The following TSFM variants were observed in gnomAD, a reference collection of about 807,000 sequenced individuals.
TSFM encodes elongation factor Ts, mitochondrial.
A neutral mutation model predicts 33.4 loss-of-function variants in TSFM; 29 were observed. That is an observed-to-expected ratio of 0.87 (90% CI 0.65 to 1.18). The LOEUF is 1.18. TSFM is among the 50% of genes most tolerant of loss of function. The probability of loss-of-function intolerance (pLI) is 0.00; values close to 1 mark genes in which losing one functional copy is unlikely to be tolerated. For missense variants in TSFM, 394 were observed against 395.6 expected (o/e 1.00, Z 0.04); for synonymous variants, 178 against 163.5 (o/e 1.09, Z -0.68).
intron 5 of TSFM, among the ~76,000 whole-genome samples, chr12:57,794,783 G>C (rs538715809): frequency 6.6e-6 from 1 of 152,168 alleles, no homozygotes; most frequent in East Asian, 1.9e-4. Context: ...TTTTTGAGAC[G>C]GAGTCTTGCT....
downstream of TSFM, chr12:57,802,477 C>T: frequency 8.9e-7 from 1 of 1,118,512 alleles, no homozygotes; most frequent in East Asian, 2.6e-5. Flanking sequence ...CTTTCTCAGC[C>T]TAATTTGTTC....
chr12:57,783,101 C>A lies in TSFM; in HGVS notation c.58-9C>A. The A allele has an allele frequency of 6.2e-7, 1 of 1,602,632 alleles. No homozygotes were observed. Among genetic ancestry groups the A allele is most frequent in the Non-Finnish European group, 8.5e-7 (1 of 1,176,156 alleles). ...TTCCTGCTCCTCATCCCTTTCTTAT[C>A]TCATCTAGGCTGGGTCTCTTCTGCG... On this transcript the variant is annotated splice_polypyrimidine_tract_variant and intron_variant, in intron 1 of 5. Coordinates refer to ENST00000652027, the MANE Select transcript of TSFM (RefSeq NM_005726.6).
intron 4 of TSFM, among the ~76,000 whole-genome samples, chr12:57,789,929 G>A (rs1010502126): frequency 3.9e-5 from 6 of 151,990 alleles, no homozygotes; most frequent in African/African-American, 1.4e-4. Flanking sequence ...TTATCTTTTG[G>A]GTTTATGTCA....
In TSFM at chr12:57,797,240, CAG is replaced by C. The variant is rs1955754572; in HGVS notation, c.*659_*660del. On this transcript the variant is annotated 3_prime_UTR_variant, in exon 6 of 6. Coordinates refer to ENST00000652027, the MANE Select transcript of TSFM (RefSeq NM_005726.6). ...GATTTTGACATTCTTGTGCCAGAAA[CAG>C]AAATTAGAGTAGTCCAGTTACCCAG... 1 of 985,308 alleles carries C rather than the reference CAG, an allele frequency of 1.0e-6. No homozygotes were observed. The highest frequency in any genetic ancestry group is 1.2e-6 in the Non-Finnish European group (1 of 829,948). The allele number at this position is 985,308 out of a possible 1,614,324, so 61.0% of individuals were successfully genotyped here.
At chr12:57,785,180 C>T (rs927828461) in intron 2 of TSFM, among the ~76,000 whole-genome samples, 1 of 152,094 alleles carries the variant, frequency 6.6e-6, no homozygotes, top group African/African-American at 2.4e-5. Context: ...CCCACCTCAG[C>T]CTCCCAAAGT....
At chr12:57,783,468 T>G in intron 2 of TSFM, 185 bp downstream of exon 2, 1 of 759,078 alleles carries the variant, frequency 1.3e-6, no homozygotes, top group Non-Finnish European at 2.3e-6. Flanking sequence ...CAGTTGAGTA[T>G]CCCAGGATTA....
intron 5 of TSFM, among the ~76,000 whole-genome samples, chr12:57,793,516 C>T (rs929922128): frequency 1.3e-5 from 2 of 152,224 alleles, no homozygotes; most frequent in Non-Finnish European, 2.9e-5. Flanking sequence ...GCCACCGCGC[C>T]CGGCCACATT....
intron 5 of TSFM, among the ~76,000 whole-genome samples, chr12:57,794,094 G>A (rs1303907116): frequency 6.6e-6 from 1 of 152,152 alleles, no homozygotes; most frequent in Non-Finnish European, 1.5e-5. Flanking sequence ...GTTTTTATCA[G>A]GTCATCTTGT....
Position 57,797,494 on chromosome 12 carries a change from A to G in TSFM, c.*911A>G. On this transcript the variant is annotated 3_prime_UTR_variant, in exon 6 of 6. Coordinates refer to ENST00000652027, the MANE Select transcript of TSFM (RefSeq NM_005726.6). ...ATGATTTCAATGATTTACAGGCTAAATAGATTTTAGAAATAATCATCTTAA... is the reference window on the plus strand; with the variant it reads ...ATGATTTCAATGATTTACAGGCTAAGTAGATTTTAGAAATAATCATCTTAA... 1 of 978,852 alleles carries G rather than the reference A, an allele frequency of 1.0e-6. No individual in the cohort carries two copies. Among genetic ancestry groups the G allele is most frequent in the Non-Finnish European group, 1.2e-6 (1 of 823,826 alleles). 60.6% of individuals were successfully genotyped at this position (978,852 alleles called of 1,614,324 possible).
intron 2 of TSFM, among the ~76,000 whole-genome samples, chr12:57,784,984 T>C (rs1955571555): frequency 7.5e-6 from 1 of 132,878 alleles, no homozygotes; most frequent in South Asian, 2.7e-4. Context: ...TGGACTGCAG[T>C]GGCACAATCT....
Position 57,782,834 on chromosome 12 carries a change from G to C in TSFM, c.33G>C (p.Leu11=). 1 of 1,596,340 alleles carries C rather than the reference G, an allele frequency of 6.3e-7. No homozygotes were observed. The highest frequency in any genetic ancestry group is 2.3e-5 in the East Asian group (1 of 43,836). Residue 11 remains leucine, a synonymous_variant, in exon 1 of 6, where the codon CTG becomes CTC. Coordinates refer to ENST00000652027, the MANE Select transcript of TSFM (RefSeq NM_005726.6). MSLLRSLRVF[L]VARTGSYPAG... is the part of the protein sequence containing the mutation. ...TGCTGCGGTCGCTGCGCGTGTTTCT[G>C]GTCGCGCGGACCGGGAGCTACCCGG... is the stretch of plus-strand genomic sequence containing the variant.
chr12:57,784,773 G>A (rs1275245053), intron 2 of TSFM, among the ~76,000 whole-genome samples: 4 of 151,830 alleles, frequency 2.6e-5, no homozygotes, highest in Non-Finnish European at 5.9e-5. Flanking sequence ...CCAGCTACTC[G>A]GGAGGCTGAG....
rs1313092651 is a variant in TSFM at position 57,786,248 on chromosome 12, T to G, written c.317T>G (p.Leu106Arg). 1.2e-6 allele frequency: 2 copies of G among 1,612,236 alleles called. No homozygotes were observed. The highest frequency in any genetic ancestry group is 1.7e-6 in the Non-Finnish European group (2 of 1,179,068). ...KLQGRKTKEG[L>R]IGLLQEGNTT... ...CAAGGGAGGAAGACCAAAGAAGGCC[T>G]GATTGGGCTGTTGCAGGAAGGAAAC... Residue 106 changes from leucine (L) to arginine (R), a missense_variant, in exon 3 of 6, where the codon CTG (leucine) becomes CGG (arginine). Physicochemically the swap from Leu to Arg is moderately radical, Grantham distance 102. This residue lies in a region of TSFM where 208 missense variants were observed against 180.4 expected (regional missense o/e 1.15). Coordinates refer to ENST00000652027, the MANE Select transcript of TSFM (RefSeq NM_005726.6).
chr12:57,792,718 C>T (rs895098818), intron 4 of TSFM, among the ~76,000 whole-genome samples: 2 of 152,138 alleles, frequency 1.3e-5, no homozygotes, highest in African/African-American at 2.4e-5. Flanking sequence ...TCAGGCTCCC[C>T]AGTAGCTGGG....
chr12:57,788,637 C>T (rs1167867823), intron 4 of TSFM, among the ~76,000 whole-genome samples: 1 of 151,946 alleles, frequency 6.6e-6, no homozygotes, highest in Non-Finnish European at 1.5e-5. Flanking sequence ...TGCTTTATCA[C>T]TTCTTTTTTT....
intron 5 of TSFM, among the ~76,000 whole-genome samples, chr12:57,793,398 A>G (rs1955690937): frequency 6.6e-6 from 1 of 151,886 alleles, no homozygotes; most frequent in African/African-American, 2.4e-5. Context: ...AATTTTTTGT[A>G]TTTTTAGTAG....
rs201558263 is a variant in TSFM at position 57,796,366 on chromosome 12, G to A, written c.761G>A (p.Arg254His). ...EQKTNLEDVGRRLGQHVVGMA... is the reference protein window; with the variant it reads ...EQKTNLEDVGHRLGQHVVGMA... ...AAAACAAACCTTGAAGACGTTGGCCGCCGCCTTGGGCAGCATGTGGTGGGC... is the reference window on the plus strand; with the variant it reads ...AAAACAAACCTTGAAGACGTTGGCCACCGCCTTGGGCAGCATGTGGTGGGC... Residue 254 changes from arginine to histidine, a missense_variant, in exon 6 of 6, where the codon CGC becomes CAC. This residue lies in a region of TSFM where 186 missense variants were observed against 198.8 expected (regional missense o/e 0.94). Coordinates refer to ENST00000652027, the MANE Select transcript of TSFM (RefSeq NM_005726.6). 22 of 1,602,322 alleles carry A rather than the reference G, an allele frequency of 1.4e-5. No homozygotes were observed. The East Asian group carries it at 2.0e-4, about 15-fold the overall frequency.
At chr12:57,788,526 C>T (rs1220488394) in intron 4 of TSFM, among the ~76,000 whole-genome samples, 2 of 152,196 alleles carry the variant, frequency 1.3e-5, no homozygotes, top group African/African-American at 4.8e-5. Flanking sequence ...ATTCGCCCGC[C>T]TCCGCCTCCC....
intron 5 of TSFM, among the ~76,000 whole-genome samples, chr12:57,795,642 A>T (rs1012808647): frequency 1.3e-5 from 2 of 151,528 alleles, no homozygotes; most frequent in South Asian, 4.2e-4. Flanking sequence ...TTGTTTTTGG[A>T]GAGAGTCTTG....
Sources: gnomAD v4.1 joint callset for allele counts (sites outside exome capture counted in the v4.1 genomes callset) on GRCh38, gnomAD v4.1.1 for gene constraint, gnomAD v4.1.1 regional missense constraint, MANE v1.5 for transcripts, NCBI Gene and HGNC (gene_info 2026-07-23, HGNC 2026-07-21) for gene names.